Variants in ARSG observed in about 807,000 individuals in gnomAD.
The protein encoded by ARSG is ASG.
A neutral mutation model predicts 50.5 loss-of-function variants in ARSG; 37 were observed. The observed-to-expected ratio is 0.73, with a 90% CI of 0.56 to 0.96. The LOEUF is 0.96. Among genes scored for constraint, ARSG ranks in the 50% least tolerant of loss-of-function variants. The pLI, the probability that ARSG is intolerant of heterozygous loss-of-function variation, is 0.00. For synonymous variants in ARSG, 225 were observed against 254.6 expected (o/e 0.88, Z 1.11); for missense variants, 629 against 675.3 (o/e 0.93, Z 0.76).
At chr17:68,361,839 C>T (rs2079303356) in intron 6 of ARSG, among the ~76,000 whole-genome samples, 1 of 152,082 alleles carries the variant, frequency 6.6e-6, no homozygotes, top group East Asian at 1.9e-4. Flanking sequence ...ATGCTTGAAC[C>T]CAGGAGACGG....
intron 11 of ARSG, among the ~76,000 whole-genome samples, chr17:68,419,220 A>G (rs1021181752): frequency 6.6e-6 from 1 of 152,180 alleles, no homozygotes; most frequent in African/African-American, 2.4e-5. Context: ...TCGATTTTCA[A>G]AAAAATCAAA....
intron 1 of ARSG, among the ~76,000 whole-genome samples, chr17:68,279,915 C>G (rs2075638344): frequency 6.6e-6 from 1 of 152,166 alleles, no homozygotes; most frequent in South Asian, 2.1e-4. Context: ...GGCGCGGTGG[C>G]TCACACCTGT....
At chr17:68,290,933 A>G (rs1209172689), upstream of ARSG, among the ~76,000 whole-genome samples, 3 of 152,058 alleles carry the variant, frequency 2.0e-5, no homozygotes, top group Non-Finnish European at 4.4e-5. Flanking sequence ...GTCAGAGCGA[A>G]TATTTTTGGG....
At chr17:68,316,332 G>A (rs1555768533) in intron 2 of ARSG, among the ~76,000 whole-genome samples, 1 of 152,158 alleles carries the variant, frequency 6.6e-6, no homozygotes, top group Non-Finnish European at 1.5e-5. Context: ...TCCATGACCT[G>A]TATCACTGTT....
intron 2 of ARSG, among the ~76,000 whole-genome samples, chr17:68,325,194 G>A (rs1555771935): frequency 6.6e-6 from 1 of 152,080 alleles, no homozygotes; most frequent in African/African-American, 2.4e-5. Context: ...TCCGCCTCCT[G>A]TCAGATCAAC....
chr17:68,373,163 T>C (rs535707930), intron 8 of ARSG, among the ~76,000 whole-genome samples: 1 of 152,148 alleles, frequency 6.6e-6, no homozygotes, highest in South Asian at 2.1e-4. Context: ...TCCACCTGCC[T>C]CGGCCTCCCA....
At chr17:68,397,484 T>C (rs2081295429) in intron 10 of ARSG, among the ~76,000 whole-genome samples, 1 of 149,570 alleles carries the variant, frequency 6.7e-6, no homozygotes. Flanking sequence ...CATGGGTAGT[T>C]GCTGGACCTG....
chr17:68,298,594 C>CAAAA (rs562725952), intron 1 of ARSG, among the ~76,000 whole-genome samples: 4 of 64,814 alleles, frequency 6.2e-5, no homozygotes, highest in Admixed American at 1.8e-4. Context: ...GATCCTGTCT[C>CAAAA]AAAAAAAAAA....
At position 68,367,438 on chromosome 17, in the gene ARSG, A is replaced by G. The variant is rs1256006127; in HGVS notation, c.705-1110A>G. Among the ~76,000 whole-genome samples, 1 of 152,072 alleles carries G rather than the reference A, an allele frequency of 6.6e-6. No individual in the cohort carries two copies. Among genetic ancestry groups the G allele is most frequent in the Non-Finnish European group, 1.5e-5 (1 of 68,002 alleles). ...AGGGCCATGCATCTACCCCCACCAG[A>G]ATGTTGTTGACTCTGTACTCTCCCA... On this transcript the variant is annotated intron_variant, in intron 6 of 11. Coordinates refer to ENST00000621439, the MANE Select transcript of ARSG (RefSeq NM_001267727.2). The surrounding 1 kb of genome is among the most constrained non-coding windows in gnomAD (Gnocchi z 4.5).
intron 1 of ARSG, among the ~76,000 whole-genome samples, chr17:68,276,972 G>T (rs1235915288): frequency 1.3e-5 from 2 of 152,136 alleles, no homozygotes; most frequent in African/African-American, 4.8e-5. Flanking sequence ...AATCAGTGAA[G>T]TCCTTTAGGG....
At chr17:68,363,590 C>G (rs2079399347) in intron 6 of ARSG, among the ~76,000 whole-genome samples, 1 of 152,180 alleles carries the variant, frequency 6.6e-6, no homozygotes, top group Admixed American at 6.5e-5. Context: ...GCCTCAGCCT[C>G]CCGAGTAGCT....
rs117314687 is a variant in ARSG at position 68,391,465 on chromosome 17, G to A, written c.1092-3608G>A. ...CCAAAGTCTGAGACATTAGGATTCC[G>A]TGAACATTAGACTTAGTGCTCTATA... On this transcript the variant is annotated intron_variant, in intron 9 of 11. Coordinates refer to ENST00000621439, the MANE Select transcript of ARSG (RefSeq NM_001267727.2). Among the ~76,000 whole-genome samples the A allele has an allele frequency of 1.1e-4, 16 of 152,280 alleles. No individual in the cohort carries two copies. The East Asian group carries it at 2.5e-3, about 24-fold the overall frequency.
At chr17:68,420,068 C>A in intron 11 of ARSG, 121 bp from the exon 12 acceptor site, 1 of 1,131,406 alleles carries the variant, frequency 8.8e-7, no homozygotes, top group Non-Finnish European at 1.3e-6. Flanking sequence ...AGAGAGCCAT[C>A]ATTGGAACAT....
chr17:68,289,067 CG>C (rs2075907055), upstream of ARSG, among the ~76,000 whole-genome samples: 1 of 152,046 alleles, frequency 6.6e-6, no homozygotes, highest in African/African-American at 2.4e-5. Flanking sequence ...GAGTATTGGC[CG>C]GGTGCGGTAG....
chr17:68,357,836 T>A (rs1173998010), intron 6 of ARSG, among the ~76,000 whole-genome samples: 2 of 152,268 alleles, frequency 1.3e-5, no homozygotes, highest in East Asian at 3.9e-4. Context: ...ATATCACATC[T>A]TTTCATTTTA....
chr17:68,402,218 GT>G (rs1568581345), intron 11 of ARSG, among the ~76,000 whole-genome samples: 4 of 151,790 alleles, frequency 2.6e-5, no homozygotes, highest in African/African-American at 7.3e-5. Context: ...TCCTGTACTA[GT>G]TTTTTTTGTT....
the ARSG span, among the ~76,000 whole-genome samples, chr17:68,439,335 G>C: frequency 2.0e-5 from 3 of 152,118 alleles, no homozygotes; most frequent in Non-Finnish European, 4.4e-5. Flanking sequence ...CAACACAGAA[G>C]AACCTTGGAA....
chr17:68,361,714 C>T (rs62085867), intron 6 of ARSG, among the ~76,000 whole-genome samples: 46 of 152,112 alleles, frequency 3.0e-4, no homozygotes, highest in Admixed American at 9.8e-4. Context: ...AGAAGAAGTT[C>T]GAGATCAGCC....
At chr17:68,345,646 C>T (rs566139525) in intron 3 of ARSG, among the ~76,000 whole-genome samples, 1 of 152,326 alleles carries the variant, frequency 6.6e-6, no homozygotes, top group South Asian at 2.1e-4. Context: ...TTTTACAACA[C>T]TCACACTTTG....
Sources: allele counts gnomAD v4.1 joint callset (sites outside exome capture counted in the v4.1 genomes callset), GRCh38; gene constraint gnomAD v4.1.1; non-coding constraint Gnocchi (gnomAD v3.1); transcripts MANE v1.5; gene names NCBI Gene and HGNC (gene_info 2026-07-23, HGNC 2026-07-21).